The following CACNA2D3 variants were observed in gnomAD, a reference collection of about 807,000 sequenced individuals.
The protein encoded by CACNA2D3 is voltage-dependent calcium channel subunit alpha-2/delta-3.
Under a neutral mutation model 160.6 loss-of-function variants are expected in CACNA2D3, and 60 were observed. That is an observed-to-expected ratio of 0.37 (90% CI 0.30 to 0.46). The LOEUF is 0.46. Among genes scored for constraint, CACNA2D3 ranks in the 20% least tolerant of loss-of-function variants. The pLI is 1.00. For missense variants in CACNA2D3, 1,205 were observed against 1,365.0 expected (o/e 0.88, Z 1.85); for synonymous variants, 558 against 492.9 (o/e 1.13, Z -1.75).
intron 3 of CACNA2D3, among the ~76,000 whole-genome samples, chr3:54,340,963 T>C (rs1175091512): frequency 6.6e-6 from 1 of 152,182 alleles, no homozygotes; most frequent in East Asian, 1.9e-4. Context: ...CCATTTTCTC[T>C]TTTACTCACT....
chr3:55,062,536 A>ATAGC (rs1164262998), intron 35 of CACNA2D3, among the ~76,000 whole-genome samples: 1 of 152,204 alleles, frequency 6.6e-6, no homozygotes, highest in Non-Finnish European at 1.5e-5. Flanking sequence ...CAAAATATTA[A>ATAGC]TAGCTGTCTG....
At chr3:54,599,750 T>G (rs1018043392) in intron 9 of CACNA2D3, among the ~76,000 whole-genome samples, 5 of 152,210 alleles carry the variant, frequency 3.3e-5, no homozygotes, top group African/African-American at 1.2e-4. Flanking sequence ...CTGTTGCTTT[T>G]GCTAAACCTG....
At chr3:54,288,678 A>G (rs1214118267) in intron 2 of CACNA2D3, among the ~76,000 whole-genome samples, 1 of 152,180 alleles carries the variant, frequency 6.6e-6, no homozygotes, top group Non-Finnish European at 1.5e-5. Context: ...CCTCAATCAA[A>G]TACTGGCAAA....
intron 27 of CACNA2D3, among the ~76,000 whole-genome samples, chr3:54,958,224 C>T (rs776800879): frequency 1.1e-4 from 16 of 152,278 alleles, no homozygotes; most frequent in South Asian, 8.3e-4. Flanking sequence ...GACAAGAAAA[C>T]CAGCAGAATA....
At chr3:54,291,864 G>A (rs549082908) in intron 2 of CACNA2D3, among the ~76,000 whole-genome samples, 1 of 152,166 alleles carries the variant, frequency 6.6e-6, no homozygotes, top group African/African-American at 2.4e-5. Flanking sequence ...TCTGTTACGT[G>A]CTGAACACTG....
intron 2 of CACNA2D3, among the ~76,000 whole-genome samples, chr3:54,186,917 A>G (rs1463071514): frequency 6.6e-6 from 1 of 152,178 alleles, no homozygotes; most frequent in African/African-American, 2.4e-5. Context: ...AGGTGTGGCC[A>G]TGACCCTGAG....
intron 21 of CACNA2D3, among the ~76,000 whole-genome samples, chr3:54,882,393 A>G (rs1057062439): frequency 1.3e-5 from 2 of 152,110 alleles, no homozygotes; most frequent in Non-Finnish European, 2.9e-5. Flanking sequence ...TCTCTCACAC[A>G]CACATACATA....
At position 54,918,779 on chromosome 3, in the gene CACNA2D3, C is replaced by A. The variant is rs747892732; in HGVS notation, c.2449+18911C>A. 6 of 1,614,084 alleles carry A rather than the reference C, an allele frequency of 3.7e-6. No individual in the cohort carries two copies. In the East Asian group the frequency reaches 1.3e-4, roughly 36 times the overall value. On this transcript the variant is annotated intron_variant, in intron 27 of 37. Transcript: ENST00000474759. ...CCGGGCCACTGAGCCTGCGAGGACACTGGATCAGGAGCAGGAAGAGGGCAG... is the reference window on the plus strand; with the variant it reads ...CCGGGCCACTGAGCCTGCGAGGACAATGGATCAGGAGCAGGAAGAGGGCAG...
chr3:54,305,814 C>G (rs1703586050), intron 2 of CACNA2D3, among the ~76,000 whole-genome samples: 1 of 152,218 alleles, frequency 6.6e-6, no homozygotes, highest in South Asian at 2.1e-4. Flanking sequence ...ATATGACTTT[C>G]TTAACTTACA....
intron 13 of CACNA2D3, among the ~76,000 whole-genome samples, chr3:54,803,176 G>C (rs1169670645): frequency 6.6e-6 from 1 of 152,206 alleles, no homozygotes; most frequent in East Asian, 1.9e-4. Context: ...AAAGAACGCA[G>C]TTCCTCACCA....
intron 2 of CACNA2D3, among the ~76,000 whole-genome samples, chr3:54,177,141 A>G (rs1054394180): frequency 5.3e-5 from 8 of 152,226 alleles, no homozygotes; most frequent in African/African-American, 1.7e-4. Context: ...AATCCATTGT[A>G]TCTGCTCCAC....
intron 13 of CACNA2D3, among the ~76,000 whole-genome samples, chr3:54,814,061 G>C (rs1300957229): frequency 6.6e-6 from 1 of 151,764 alleles, no homozygotes; most frequent in Non-Finnish European, 1.5e-5. Context: ...TAGAGATGGA[G>C]TTTCACTATG....
chr3:54,530,114 C>T (rs982888926), intron 5 of CACNA2D3, among the ~76,000 whole-genome samples: 1 of 152,172 alleles, frequency 6.6e-6, no homozygotes, highest in Non-Finnish European at 1.5e-5. Context: ...CAAGTGGTCC[C>T]TCCTCCTTCA....
At chr3:54,627,968 C>T in intron 10 of CACNA2D3, 92 bp downstream of exon 10, 1 of 857,326 alleles carries the variant, frequency 1.2e-6, no homozygotes, top group Non-Finnish European at 1.9e-6. Flanking sequence ...CGCTGTGGTT[C>T]AGACCTTTAA....
At chr3:54,397,603 C>G (rs201327232) in intron 4 of CACNA2D3, among the ~76,000 whole-genome samples, 23,843 of 122,256 alleles carry the variant, frequency 0.2, 2,627 homozygotes, top group Middle Eastern at 0.31. Context: ...GCAGGTTGTT[C>G]AGTTTCCATG....
intron 11 of CACNA2D3, among the ~76,000 whole-genome samples, chr3:54,692,285 T>C (rs979493295): frequency 1.3e-5 from 2 of 152,196 alleles, no homozygotes; most frequent in Non-Finnish European, 2.9e-5. Flanking sequence ...GCCAGTAATA[T>C]TAATTTCTTT....
chr3:54,711,280 AGC>A (rs1700947473), intron 11 of CACNA2D3, among the ~76,000 whole-genome samples: 1 of 152,234 alleles, frequency 6.6e-6, no homozygotes, highest in Admixed American at 6.5e-5. Flanking sequence ...TAAAGTGAAC[AGC>A]ACACACACAA....
intron 11 of CACNA2D3, among the ~76,000 whole-genome samples, chr3:54,739,704 G>A (rs1044965628): frequency 6.6e-6 from 1 of 151,444 alleles, no homozygotes; most frequent in Admixed American, 6.6e-5. Context: ...TGTGGGGAGG[G>A]TGCAGTAGCG....
intron 2 of CACNA2D3, among the ~76,000 whole-genome samples, chr3:54,182,871 C>T (rs1004928670): frequency 6.6e-5 from 10 of 152,050 alleles, no homozygotes; most frequent in Non-Finnish European, 1.2e-4. Flanking sequence ...GAATAGAAGC[C>T]GATGCACAAA....
Sources: gnomAD v4.1 joint callset for allele counts (sites outside exome capture counted in the v4.1 genomes callset) on GRCh38, gnomAD v4.1.1 for gene constraint, MANE v1.5 for transcripts, NCBI Gene and HGNC (gene_info 2026-07-23, HGNC 2026-07-21) for gene names.